Variants in ENOX1 observed in about 807,000 individuals in gnomAD.
ENOX1 encodes ecto-NOX disulfide-thiol exchanger 1.
Under a neutral mutation model 82.5 loss-of-function variants are expected in ENOX1, and 42 were observed. That is an observed-to-expected ratio of 0.51 (90% confidence interval 0.40 to 0.66). ENOX1 has a LOEUF of 0.66. ENOX1 is among the 30% of genes least tolerant of loss of function. The pLI is 0.00. For synonymous variants in ENOX1, 271 were observed against 282.2 expected, an observed-to-expected ratio of 0.96 and a Z score of 0.40; for missense variants, 608 against 811.6, an observed-to-expected ratio of 0.75 and a Z score of 3.05.
intron 2 of ENOX1, among the ~76,000 whole-genome samples, chr13:43,663,029 A>G (rs1946994660): frequency 6.6e-6 from 1 of 152,256 alleles, no homozygotes; most frequent in Middle Eastern, 3.2e-3. Flanking sequence ...CAAAGTAACC[A>G]ATTCTGTGTG....
intron 3 of ENOX1, chr13:43,458,450 T>A (rs1448446710): frequency 6.6e-6 from 1 of 152,206 alleles, no homozygotes; most frequent in Non-Finnish European, 1.5e-5. Context: ...TCATTTCCAT[T>A]TTTTAGGCAT....
intron 5 of ENOX1, among the ~76,000 whole-genome samples, chr13:43,405,451 C>T (rs1469433815): frequency 6.6e-6 from 1 of 152,136 alleles, no homozygotes; most frequent in Admixed American, 6.5e-5. Flanking sequence ...AATCTCCCTG[C>T]TCAACACAGG....
chr13:43,318,056 A>G (rs2047612215), intron 11 of ENOX1, among the ~76,000 whole-genome samples: 1 of 152,136 alleles, frequency 6.6e-6, no homozygotes, highest in Non-Finnish European at 1.5e-5. Flanking sequence ...TTTCATGAAA[A>G]ATTGACAGCT....
intron 1 of ENOX1, among the ~76,000 whole-genome samples, chr13:43,753,757 T>G (rs1950444217): frequency 6.6e-6 from 1 of 152,216 alleles, no homozygotes; most frequent in Non-Finnish European, 1.5e-5. Flanking sequence ...ATATGTAGTA[T>G]CTATGGTTTT....
At chr13:43,667,868 C>T (rs1054573902) in intron 1 of ENOX1, among the ~76,000 whole-genome samples, 2 of 152,126 alleles carry the variant, frequency 1.3e-5, no homozygotes, top group African/African-American at 4.8e-5. Context: ...CCAGGGCCTC[C>T]CAAATCTAAG....
At chr13:43,412,759 T>C (rs2054209695) in intron 4 of ENOX1, 86 bp downstream of exon 4, 3 of 1,521,896 alleles carry the variant, frequency 2.0e-6, no homozygotes, top group South Asian at 1.2e-5. Flanking sequence ...CCTGGTTCAA[T>C]GCATATTTTT....
intron 13 of ENOX1, among the ~76,000 whole-genome samples, chr13:43,267,068 T>A (rs1484376354): frequency 6.6e-6 from 1 of 152,226 alleles, no homozygotes; most frequent in Non-Finnish European, 1.5e-5. Context: ...CCTGGCATTG[T>A]TCACTCCGCT....
rs150596679 is a variant in ENOX1 at position 43,522,642 on chromosome 13, G to A, written c.-218-38490C>T. ...TCGAGGATCCTGGGACAGCAGGTGAGGGGGCCTGGCAGGCACAGTTCCCCT... is the reference window on the plus strand; with the variant it reads ...TCGAGGATCCTGGGACAGCAGGTGAAGGGGCCTGGCAGGCACAGTTCCCCT... On this transcript the variant is annotated intron_variant, in intron 2 of 16. Coordinates refer to ENST00000690772, the MANE Select transcript of ENOX1 (RefSeq NM_001347969.2). Among the ~76,000 whole-genome samples the A allele has an allele frequency of 4.8e-3, 733 of 152,240 alleles. 3 individuals carry two copies. The highest frequency in any genetic ancestry group is 8.5e-3 in the Non-Finnish European group (579 of 68,006).
Position 43,298,340 on chromosome 13 carries a change from A to G in ENOX1, c.1446+6T>C. ...CAAAAAAAAAAAAAAAATCTGGGCC[A>G]GGTACCTGCTGCATGCCTTGCATGG... On this transcript the variant is annotated splice_donor_region_variant and intron_variant, in intron 12 of 16. Coordinates refer to ENST00000690772, the MANE Select transcript of ENOX1 (RefSeq NM_001347969.2). 1 of 1,569,000 alleles carries G rather than the reference A, an allele frequency of 6.4e-7. No individual in the cohort carries two copies. Among genetic ancestry groups the G allele is most frequent in the Non-Finnish European group, 8.6e-7 (1 of 1,163,824 alleles).
intron 1 of ENOX1, among the ~76,000 whole-genome samples, chr13:43,777,443 G>A (rs893594443): frequency 1.3e-5 from 2 of 152,124 alleles, no homozygotes; most frequent in African/African-American, 4.8e-5. Context: ...AAGATTGATG[G>A]ATTGTATCAA....
At chr13:43,576,954 G>A (rs772605276) in intron 2 of ENOX1, among the ~76,000 whole-genome samples, 11 of 152,004 alleles carry the variant, frequency 7.2e-5, no homozygotes, top group East Asian at 1.9e-4. Flanking sequence ...TTTATAATTC[G>A]TAATTCAATC....
intron 3 of ENOX1, among the ~76,000 whole-genome samples, chr13:43,415,830 GGT>G (rs1260807961): frequency 2.0e-4 from 31 of 151,332 alleles, no homozygotes; most frequent in Admixed American, 8.5e-4. Context: ...TCCCAGACGG[GGT>G]GGCCGGGCAG....
intron 1 of ENOX1, among the ~76,000 whole-genome samples, chr13:43,740,693 C>T (rs1221221257): frequency 6.6e-6 from 1 of 152,114 alleles, no homozygotes. Context: ...ACTTCAACCT[C>T]CACCCCAAAC....
rs780181898 is a variant in ENOX1 at position 43,236,622 on chromosome 13, C to A, written c.1714+14G>T. On this transcript the variant is annotated intron_variant, in intron 15 of 16. Transcript: ENST00000690772. ...TATTTAAGAGAACAGATGAAGAAAA[C>A]AGAATTTCCTTACCTATTAGCAGAG... is the stretch of plus-strand genomic sequence containing the variant. 2.0e-6 allele frequency: 3 copies of A among 1,490,274 alleles called. No homozygotes were observed. In the East Asian group the frequency reaches 7.2e-5, roughly 36 times the overall value. 92.3% of individuals were successfully genotyped at this position (1,490,274 alleles called of 1,614,324 possible). A position where few individuals can be genotyped will look rare whatever the true frequency, so the allele number is the denominator to read the frequency against.
intron 2 of ENOX1, among the ~76,000 whole-genome samples, chr13:43,529,822 G>A (rs770278487): frequency 2.0e-5 from 3 of 151,974 alleles, no homozygotes; most frequent in Non-Finnish European, 4.4e-5. Context: ...ACTATTAGAA[G>A]CAGAAGTGCC....
At chr13:43,567,716 C>T (rs2079982214) in intron 2 of ENOX1, among the ~76,000 whole-genome samples, 1 of 152,016 alleles carries the variant, frequency 6.6e-6, no homozygotes, top group Non-Finnish European at 1.5e-5. Flanking sequence ...CTACTCTGTT[C>T]CCACAGTCTG....
At position 43,744,421 on chromosome 13, in the gene ENOX1, C is replaced by T. The variant is rs187098277; in HGVS notation, c.-285+42231G>A. ...TGTGCCTCTTAACGAGGAAAGGAGG[C>T]TAGGATACCATGCCAAGGATCTCCA... On this transcript the variant is annotated intron_variant, in intron 1 of 16. Coordinates refer to ENST00000690772, the MANE Select transcript of ENOX1 (RefSeq NM_001347969.2). 3.3e-5 allele frequency among the ~76,000 whole-genome samples: 5 copies of T among 152,148 alleles called. No individual in the cohort carries two copies. In the East Asian group the frequency reaches 9.7e-4, roughly 29 times the overall value.
At chr13:43,606,398 G>T (rs1049232307) in intron 2 of ENOX1, among the ~76,000 whole-genome samples, 1 of 152,130 alleles carries the variant, frequency 6.6e-6, no homozygotes, top group African/African-American at 2.4e-5. Context: ...GCCATGGTTT[G>T]GAAGCCCTCA....
At position 43,283,889 on chromosome 13, in the gene ENOX1, A is replaced by G. The variant is rs9567143; in HGVS notation, c.1447-14312T>C. On this transcript the variant is annotated intron_variant, in intron 12 of 16. Coordinates refer to ENST00000690772, the MANE Select transcript of ENOX1 (RefSeq NM_001347969.2). ...TTGATATATTATGTTTTAATTATCA[A>G]TTACTTCTAAGTATTTTTAAGTTAA... Among the ~76,000 whole-genome samples, 24 of 152,184 alleles carry G rather than the reference A, an allele frequency of 1.6e-4. No homozygotes were observed. The East Asian group carries it at 4.3e-3, about 27-fold the overall frequency.
Sources: gnomAD v4.1 joint callset for allele counts (sites outside exome capture counted in the v4.1 genomes callset) on GRCh38, gnomAD v4.1.1 for gene constraint, MANE v1.5 for transcripts, NCBI Gene and HGNC (gene_info 2026-07-23, HGNC 2026-07-21) for gene names.